The following GRID2 variants were observed in gnomAD, a reference collection of about 807,000 sequenced individuals.
GRID2 encodes glutamate ionotropic receptor delta type subunit 2, also known as glutamate receptor ionotropic, delta-2.
Under a neutral mutation model 114.8 loss-of-function variants are expected in GRID2, and 33 were observed. The observed-to-expected ratio is 0.29, with a 90% confidence interval of 0.22 to 0.38. The LOEUF (loss-of-function observed/expected upper bound fraction) is 0.38, where lower values mean the gene tolerates loss of function less well. Ranked by LOEUF, GRID2 falls within the 10% of genes least tolerant of loss-of-function variation. The pLI, the probability that GRID2 is intolerant of heterozygous loss-of-function variation, is 1.00. For synonymous variants in GRID2, 505 were observed against 449.9 expected (o/e 1.12, Z -1.55); for missense variants, 1,184 against 1,257.7 (o/e 0.94, Z 0.89).
At chr4:93,616,948 T>G (rs1194908533) in intron 13 of GRID2, among the ~76,000 whole-genome samples, 1 of 150,286 alleles carries the variant, frequency 6.7e-6, no homozygotes, top group African/African-American at 2.5e-5. Context: ...GCTAAGATCA[T>G]GCCACTACAC....
chr4:93,645,947 A>C (rs771471826), intron 14 of GRID2, among the ~76,000 whole-genome samples: 2 of 152,212 alleles, frequency 1.3e-5, no homozygotes, highest in South Asian at 4.1e-4. Flanking sequence ...TGAGGGGGAA[A>C]GAAGACAATC....
intron 2 of GRID2, chr4:92,884,826 T>C (rs1397162207): frequency 8.6e-6 from 3 of 350,408 alleles, no homozygotes; most frequent in Non-Finnish European, 1.7e-5. Flanking sequence ...CAGAATGTAA[T>C]GCTTTATGTG....
At chr4:93,126,829 C>T (rs1267767006) in intron 4 of GRID2, among the ~76,000 whole-genome samples, 1 of 151,762 alleles carries the variant, frequency 6.6e-6, no homozygotes, top group South Asian at 2.1e-4. Context: ...GATCTCCTGA[C>T]CTCGTGATCC....
At chr4:92,816,696 T>C (rs571277320) in intron 2 of GRID2, among the ~76,000 whole-genome samples, 1 of 152,248 alleles carries the variant, frequency 6.6e-6, no homozygotes, top group South Asian at 2.1e-4. Flanking sequence ...AAATTCTACC[T>C]TTTCATTCAC....
intron 1 of GRID2, among the ~76,000 whole-genome samples, chr4:92,542,015 C>G (rs1053755221): frequency 4.0e-5 from 6 of 151,792 alleles, no homozygotes; most frequent in Non-Finnish European, 7.4e-5. Flanking sequence ...ACTCTTAATC[C>G]TTTTTTTGCA....
rs116751505 is a variant in GRID2 at position 93,328,557 on chromosome 4, T to C, written c.1246-67050T>C. ...GAGTCCTTTATGACATTTATCACAA[T>C]CTAAAGCTATTACATATTTGTTTTC... On this transcript the variant is annotated intron_variant, in intron 8 of 15. Transcript: ENST00000282020. Among the ~76,000 whole-genome samples, 898 of 152,316 alleles carry C rather than the reference T, an allele frequency of 5.9e-3. 10 individuals carry two copies. The highest frequency in any genetic ancestry group is 0.021 in the African/African-American group (856 of 41,578).
At chr4:93,785,436 G>A (rs1423625990) in intron 1 of GRID2, among the ~76,000 whole-genome samples, 4 of 152,154 alleles carry the variant, frequency 2.6e-5, no homozygotes, top group African/African-American at 9.7e-5. Flanking sequence ...CCAATAGCCA[G>A]GCAAAGGAAA....
chr4:92,598,836 A>G (rs2149217460), intron 2 of GRID2, among the ~76,000 whole-genome samples: 1 of 152,180 alleles, frequency 6.6e-6, no homozygotes. Context: ...TGTGTCCCTC[A>G]GTAAGTTTTC....
chr4:92,339,306 A>T (rs1042261577), intron 1 of GRID2, among the ~76,000 whole-genome samples: 11 of 152,106 alleles, frequency 7.2e-5, no homozygotes, highest in African/African-American at 2.7e-4. Flanking sequence ...TACAGAAATA[A>T]GGGGAAAATA....
intron 6 of GRID2, among the ~76,000 whole-genome samples, chr4:93,218,017 T>A (rs970125764): frequency 2.6e-5 from 4 of 151,980 alleles, no homozygotes; most frequent in African/African-American, 9.6e-5. Flanking sequence ...AATAAGGTGC[T>A]TTTGCAAAAC....
chr4:93,242,190 T>C (rs1161571286), intron 8 of GRID2, among the ~76,000 whole-genome samples: 1 of 151,930 alleles, frequency 6.6e-6, no homozygotes, highest in Non-Finnish European at 1.5e-5. Context: ...TATCTTCTAA[T>C]TGGGAAAATG....
At chr4:93,326,932 A>G (rs1044658215) in intron 8 of GRID2, among the ~76,000 whole-genome samples, 1 of 152,210 alleles carries the variant, frequency 6.6e-6, no homozygotes, top group African/African-American at 2.4e-5. Context: ...ATGGGTTTCT[A>G]TCACATCTGT....
rs561448381 is a variant in GRID2, at chr4:93,107,179, G to T, written c.530-3569G>T. The stretch of plus-strand genomic sequence containing the variant: ...CCTGGCATGGAGGTGTGCACCTGCA[G>T]TCTCAGCTGCTCAGGAGGCTGAGGT... On this transcript the variant is annotated intron_variant, in intron 3 of 15. Transcript: ENST00000282020. Among the ~76,000 whole-genome samples, 7 of 152,214 alleles carry T rather than the reference G, an allele frequency of 4.6e-5. No homozygotes were observed. In the South Asian group the frequency reaches 1.5e-3, roughly 32 times the overall value.
At chr4:92,728,371 A>C (rs975670863) in intron 2 of GRID2, among the ~76,000 whole-genome samples, 4 of 152,100 alleles carry the variant, frequency 2.6e-5, no homozygotes, top group African/African-American at 9.7e-5. Context: ...TCTTTTAAGA[A>C]GGTGCAGTCA....
At chr4:92,817,074 C>T (rs1740961617) in intron 2 of GRID2, among the ~76,000 whole-genome samples, 1 of 151,912 alleles carries the variant, frequency 6.6e-6, no homozygotes, top group South Asian at 2.1e-4. Flanking sequence ...TTCAGGGACC[C>T]AGGAGTCACC....
Position 93,682,779 on chromosome 4 carries a change from T to G in GRID2, c.2360+56344T>G, listed in dbSNP as rs561609030. 5.6e-3 allele frequency among the ~76,000 whole-genome samples: 450 copies of G among 79,844 alleles called. 5 individuals carry two copies. Among genetic ancestry groups the G allele is most frequent in the African/African-American group, 0.02 (420 of 20,678 alleles). The allele number at this position is 79,844 out of a possible 152,430, so 52.4% of individuals were successfully genotyped here. A position where few individuals can be genotyped will look rare whatever the true frequency, so the allele number is the denominator to read the frequency against. ...GGGAACATCACACTCTGGGGACTGT[T>G]GTGGGGTTGGGGGAGGGGGGAGGGA... On this transcript the variant is annotated intron_variant, in intron 14 of 15. Coordinates refer to ENST00000282020, the MANE Select transcript of GRID2 (RefSeq NM_001510.4).
At chr4:92,402,559 T>A (rs779037202) in intron 1 of GRID2, among the ~76,000 whole-genome samples, 2 of 152,208 alleles carry the variant, frequency 1.3e-5, no homozygotes, top group Non-Finnish European at 2.9e-5. Flanking sequence ...GATGACCAGA[T>A]CCACTGCAAA....
At chr4:93,287,196 A>G (rs780358524) in intron 8 of GRID2, among the ~76,000 whole-genome samples, 2 of 152,184 alleles carry the variant, frequency 1.3e-5, no homozygotes, top group Non-Finnish European at 2.9e-5. Context: ...AAAAAATATC[A>G]TTATGGAGTT....
At chr4:93,443,857 C>T (rs1204858050) in intron 10 of GRID2, among the ~76,000 whole-genome samples, 2 of 151,312 alleles carry the variant, frequency 1.3e-5, no homozygotes, top group Admixed American at 6.6e-5. Flanking sequence ...TATAAAAGCA[C>T]TTATTACTAC....
Sources: gnomAD v4.1 joint callset for allele counts (sites outside exome capture counted in the v4.1 genomes callset) on GRCh38, gnomAD v4.1.1 for gene constraint, MANE v1.5 for transcripts, NCBI Gene and HGNC (gene_info 2026-07-23, HGNC 2026-07-21) for gene names.